Variants in M1AP observed in about 807,000 individuals in gnomAD.
M1AP encodes the protein meiosis 1 arrest protein.
In M1AP, 39 loss-of-function variants were observed where a neutral mutation model predicts 51.2. The ratio of observed to expected loss-of-function variants is 0.76; its 90% CI spans 0.59 to 1.00. The LOEUF (loss-of-function observed/expected upper bound fraction) is 1.00. Among genes scored for constraint, M1AP ranks in the 50% least tolerant of loss-of-function variants. M1AP has a pLI of 0.00. For missense variants in M1AP, 545 were observed against 641.2 expected, an observed-to-expected ratio of 0.85 and a Z score of 1.62; for synonymous variants, 251 against 249.2, an observed-to-expected ratio of 1.01 and a Z score of -0.07.
At chr2:74,564,444 C>G (rs936476895) in intron 7 of M1AP, among the ~76,000 whole-genome samples, 27 of 152,232 alleles carry the variant, frequency 1.8e-4, no homozygotes, top group African/African-American at 6.5e-4. Context: ...TGCATCCTCA[C>G]TAGAAGGTTT....
intron 7 of M1AP, among the ~76,000 whole-genome samples, 187 bp from the exon 8 acceptor site, chr2:74,562,610 C>T (rs997837856): frequency 1.3e-5 from 2 of 152,156 alleles, no homozygotes; most frequent in Admixed American, 6.5e-5. Flanking sequence ...CTCTTCCTCC[C>T]TGGTTTGAGA....
chr2:74,618,985 C>T (rs1477544410), intron 2 of M1AP: 1 of 532,234 alleles, frequency 1.9e-6, no homozygotes, highest in South Asian at 1.4e-5. Context: ...AACCATGGGC[C>T]CTCATCTCTG....
intron 3 of M1AP, among the ~76,000 whole-genome samples, chr2:74,612,186 C>T (rs781184021): frequency 4.6e-5 from 7 of 151,822 alleles, no homozygotes; most frequent in South Asian, 2.1e-4. Flanking sequence ...CCACTGCGCC[C>T]GGCCACCAGT....
chr2:74,582,686 T>C (rs894597599), intron 4 of M1AP, among the ~76,000 whole-genome samples: 1 of 152,196 alleles, frequency 6.6e-6, no homozygotes, highest in East Asian at 1.9e-4. Flanking sequence ...CATACTTCTA[T>C]ACTGTTTGAA....
At chr2:74,578,840 GTTTT>G (rs955891769) in intron 5 of M1AP, among the ~76,000 whole-genome samples, 2 of 150,150 alleles carry the variant, frequency 1.3e-5, no homozygotes, top group African/African-American at 2.5e-5. Flanking sequence ...GAAAGCTTGG[GTTTT>G]TTGTTTTGTT....
intron 4 of M1AP, among the ~76,000 whole-genome samples, chr2:74,601,721 T>C (rs189849877): frequency 1.3e-5 from 2 of 152,312 alleles, no homozygotes; most frequent in Non-Finnish European, 2.9e-5. Flanking sequence ...TTAAAATTTA[T>C]AGAAAACCTT....
intron 7 of M1AP, among the ~76,000 whole-genome samples, chr2:74,571,565 G>A (rs1278728839): frequency 1.3e-5 from 2 of 152,176 alleles, no homozygotes; most frequent in African/African-American, 4.8e-5. Flanking sequence ...AATAAGTCTC[G>A]TCACACTTAA....
intron 4 of M1AP, among the ~76,000 whole-genome samples, chr2:74,591,314 C>G (rs1044481220): frequency 6.6e-6 from 1 of 152,134 alleles, no homozygotes; most frequent in African/African-American, 2.4e-5. Context: ...AGCTTATATG[C>G]AAAAGAGATT....
At chr2:74,596,423 A>G (rs532053788) in intron 4 of M1AP, among the ~76,000 whole-genome samples, 1 of 152,256 alleles carries the variant, frequency 6.6e-6, no homozygotes, top group African/African-American at 2.4e-5. Context: ...TCTACTAAAA[A>G]TACAAAAAAT....
intron 4 of M1AP, among the ~76,000 whole-genome samples, chr2:74,594,098 C>A (rs13414499): frequency 0.061 from 9,219 of 152,240 alleles, 824 homozygotes; most frequent in African/African-American, 0.2. Context: ...AGATCTGAGT[C>A]CCTGCTCACT....
intron 3 of M1AP, among the ~76,000 whole-genome samples, chr2:74,612,368 T>G (rs1381245298): frequency 1.3e-5 from 2 of 152,066 alleles, no homozygotes; most frequent in Non-Finnish European, 2.9e-5. Flanking sequence ...TACAGGTATG[T>G]GCACCACACC....
intron 4 of M1AP, among the ~76,000 whole-genome samples, chr2:74,588,036 T>A (rs753397742): frequency 6.6e-6 from 1 of 152,186 alleles, no homozygotes; most frequent in Non-Finnish European, 1.5e-5. Context: ...TCTCTTCACA[T>A]AAAATATAGA....
At chr2:74,589,088 GA>G (rs1679888654) in intron 4 of M1AP, among the ~76,000 whole-genome samples, 1 of 152,264 alleles carries the variant, frequency 6.6e-6, no homozygotes, top group African/African-American at 2.4e-5. Context: ...GCATGCATGT[GA>G]AGTTTTAGCT....
chr2:74,635,736 A>G (rs572832909), intron 2 of M1AP, among the ~76,000 whole-genome samples: 1 of 152,028 alleles, frequency 6.6e-6, no homozygotes, highest in Non-Finnish European at 1.5e-5. Flanking sequence ...TTTTTGACCA[A>G]TGGATTATTT....
intron 2 of M1AP, among the ~76,000 whole-genome samples, chr2:74,619,799 G>T (rs1185657409): frequency 6.6e-6 from 1 of 152,148 alleles, no homozygotes; most frequent in African/African-American, 2.4e-5. Flanking sequence ...CTTGCACAGT[G>T]CCCGAGACCA....
intron 4 of M1AP, among the ~76,000 whole-genome samples, chr2:74,583,585 C>T (rs1222806142): frequency 6.6e-6 from 1 of 152,156 alleles, no homozygotes; most frequent in Non-Finnish European, 1.5e-5. Context: ...TGAGGGGGAA[C>T]TCTACTTTCC....
intron 2 of M1AP, among the ~76,000 whole-genome samples, chr2:74,622,614 CATTACAT>C (rs887593219): frequency 6.9e-6 from 1 of 144,860 alleles, no homozygotes; most frequent in Non-Finnish European, 1.5e-5. Context: ...GTGTGGCTCA[CATTACAT>C]ATCTAGTAAA....
At chr2:74,568,166 A>T (rs1189558657) in intron 7 of M1AP, among the ~76,000 whole-genome samples, 1 of 152,256 alleles carries the variant, frequency 6.6e-6, no homozygotes, top group African/African-American at 2.4e-5. Flanking sequence ...AAATGAAAAC[A>T]TGGTGAAGCC....
In M1AP at chr2:74,606,957, A is replaced by G. The variant is rs914095118; in HGVS notation, c.595+98T>C. On this transcript the variant is annotated intron_variant, in intron 4 of 10. Transcript: ENST00000421985. Reference sequence around the variant, plus strand: ...TGTGCACAACGTGCAGGTTTGTTACATATGTATACATGTGCCATGTTGGTG... The same window carrying G: ...TGTGCACAACGTGCAGGTTTGTTACGTATGTATACATGTGCCATGTTGGTG... The G allele has an allele frequency of 1.0e-5, 9 of 894,510 alleles. No homozygotes were observed. The African/African-American group carries it at 1.2e-4, about 12-fold the overall frequency. The allele number at this position is 894,510 out of a possible 1,614,324, so 55.4% of individuals were successfully genotyped here.
Sources: gnomAD v4.1 joint callset for allele counts (sites outside exome capture counted in the v4.1 genomes callset) on GRCh38, gnomAD v4.1.1 for gene constraint, MANE v1.5 for transcripts, NCBI Gene and HGNC (gene_info 2026-07-23, HGNC 2026-07-21) for gene names.